MYO1C: variants seen among roughly 807,000 people sequenced by gnomAD.
MYO1C encodes myosin IC.
A neutral mutation model predicts 150.8 loss-of-function variants in MYO1C; 104 were observed. That is an observed-to-expected ratio of 0.69 (90% confidence interval 0.59 to 0.81). The LOEUF (loss-of-function observed/expected upper bound fraction) is 0.81, where lower values mean the gene tolerates loss of function less well. Ranked by LOEUF, MYO1C falls within the 30% of genes least tolerant of loss-of-function variation. The probability of loss-of-function intolerance (pLI) is 0.00; values close to 1 mark genes in which losing one functional copy is unlikely to be tolerated. For synonymous variants in MYO1C, 663 were observed against 579.9 expected (o/e 1.14, Z -2.06); for missense variants, 1,504 against 1,435.0 (o/e 1.05, Z -0.78).
intron 25 of MYO1C, chr17:1,469,121 G>C: frequency 3.0e-6 from 1 of 329,968 alleles, no homozygotes; most frequent in South Asian, 2.5e-5. Flanking sequence ...GTAGACTAGG[G>C]TAAATAGAGC....
chr17:1,490,035 CAAA>C (rs368349826), intron 1 of MYO1C, among the ~76,000 whole-genome samples: 4 of 104,528 alleles, frequency 3.8e-5, no homozygotes, highest in Admixed American at 2.1e-4. Context: ...GACACTGTCT[CAAA>C]AAAAAAAAAA....
rs1321233868 is a variant in MYO1C, at chr17:1,480,976, C to G, written c.628-91G>C. 4.2e-6 allele frequency: 6 copies of G among 1,441,476 alleles called. No homozygotes were observed. In the African/African-American group the frequency reaches 7.0e-5, roughly 17 times the overall value. The allele number at this position is 1,441,476 out of a possible 1,614,324, so 89.3% of individuals were successfully genotyped here. A position where few individuals can be genotyped will look rare whatever the true frequency, so the allele number is the denominator to read the frequency against. On this transcript the variant is annotated intron_variant, in intron 5 of 31. Coordinates refer to ENST00000648651, the MANE Select transcript of MYO1C (RefSeq NM_001080779.2). ...TCTCCCCTGCACTCCTGGGCTTTGG[C>G]AGCCAGACCTGGATGCCAATTCCAG...
Position 1,478,270 on chromosome 17 carries a change from C to G in MYO1C, c.1296-78G>C. Reference sequence around the variant, plus strand: ...AGAGGGGAAAAGCTGGACGACGCCCCTGAGCACAGGAGGTGAGAAACACAG... The same window carrying G: ...AGAGGGGAAAAGCTGGACGACGCCCGTGAGCACAGGAGGTGAGAAACACAG... On this transcript the variant is annotated intron_variant, in intron 11 of 31. Transcript: ENST00000648651. This position sits in a 1 kb window ranked among gnomAD's most constrained non-coding sequence, Gnocchi z 6.3. The G allele has an allele frequency of 6.4e-7, 1 of 1,563,664 alleles. No individual in the cohort carries two copies. Among genetic ancestry groups the G allele is most frequent in the Non-Finnish European group, 8.8e-7 (1 of 1,135,512 alleles).
rs957136448 is a variant in MYO1C, at chr17:1,465,205, G to A, written c.*521C>T. ...AGAGTGGGCTGCAAAAGATGCAGAT[G>A]GGCAGGCAGGGAGACAGGTAAACAG... is the stretch of plus-strand genomic sequence containing the variant. On this transcript the variant is annotated 3_prime_UTR_variant, in exon 32 of 32. Coordinates refer to ENST00000648651, the MANE Select transcript of MYO1C (RefSeq NM_001080779.2). 6.5e-6 allele frequency: 1 copy of A among 152,916 alleles called. No homozygotes were observed. Among genetic ancestry groups the A allele is most frequent in the Non-Finnish European group, 1.5e-5 (1 of 68,270 alleles). 9.5% of individuals were successfully genotyped at this position (152,916 alleles called of 1,614,324 possible).
At chr17:1,474,784 C>G (rs1386021687) in intron 16 of MYO1C, 28 bp downstream of exon 16, 5 of 1,606,048 alleles carry the variant, frequency 3.1e-6, no homozygotes, top group Admixed American at 3.3e-5. Context: ...TCCCCACCCC[C>G]ACCCCGGCCT....
At position 1,480,857 on chromosome 17, in the gene MYO1C, C is replaced by G. The variant is rs772269411; in HGVS notation, c.656G>C (p.Ser219Thr). ...CACTCGTGACTTTTCCAGGAGGTAA[C>G]TGAGGATGTGGCCACCCACGGGGGC... ...KGAPVGGHIL[S>T]YLLEKSRVVH... Residue 219 changes from serine (S) to threonine (T), a missense_variant, in exon 6 of 32, where the codon AGT (serine) becomes ACT (threonine). Transcript: ENST00000648651. The G allele has an allele frequency of 1.9e-6, 3 of 1,614,148 alleles. No homozygotes were observed. The highest frequency in any genetic ancestry group is 2.2e-5 in the South Asian group (2 of 91,086).
chr17:1,480,918 C>T (rs1482147748), intron 5 of MYO1C, 33 bp from the exon 6 acceptor site: 11 of 1,610,614 alleles, frequency 6.8e-6, no homozygotes, highest in Middle Eastern at 1.7e-4. Context: ...GGCCGGGTCA[C>T]GGGGACTGGG....
chr17:1,477,444 C>T (rs2074421897), intron 14 of MYO1C, 61 bp downstream of exon 14: 3 of 1,483,102 alleles, frequency 2.0e-6, no homozygotes, highest in Admixed American at 1.7e-5. Flanking sequence ...GGGACTCCTG[C>T]ACTCCGCAGG....
Position 1,480,564 on chromosome 17 carries a change from G to C in MYO1C, c.869C>G (p.Ala290Gly), listed in dbSNP as rs201395025. ...CTCGGTGAAATCAATGACTGTCAGA[G>C]CCTTCCTGACGACCTTCCAGTCACT... ...DKSDWKVVRK[A>G]LTVIDFTEDE... The change falls in exon 7 of 32, where the codon GCT becomes GGT. Residue 290 changes from alanine (A) to glycine (G), a missense_variant. Coordinates refer to ENST00000648651, the MANE Select transcript of MYO1C (RefSeq NM_001080779.2). 282 of 1,614,212 alleles carry C rather than the reference G, an allele frequency of 1.7e-4. No individual in the cohort carries two copies. Among genetic ancestry groups the C allele is most frequent in the Non-Finnish European group, 2.2e-4 (262 of 1,180,036 alleles).
chr17:1,471,039 CG>C (rs754334115), intron 21 of MYO1C, 31 bp downstream of exon 21: 1 of 1,606,230 alleles, frequency 6.2e-7, no homozygotes, highest in Admixed American at 1.7e-5. Flanking sequence ...GAAGGGACCC[CG>C]TGCAGCAGGA....
intron 17 of MYO1C, 50 bp downstream of exon 17, chr17:1,474,560 T>C: frequency 6.3e-7 from 1 of 1,587,108 alleles, no homozygotes; most frequent in Non-Finnish European, 8.6e-7. Context: ...CAGGCCCTCA[T>C]GCACACTCAG....
At position 1,479,639 on chromosome 17, in the gene MYO1C, TCTC is replaced by T; in HGVS notation, c.970_972del (p.Glu324del). The T allele has an allele frequency of 6.2e-7, 1 of 1,604,040 alleles. No homozygotes were observed. Among genetic ancestry groups the T allele is most frequent in the Non-Finnish European group, 8.5e-7 (1 of 1,176,300 alleles). On this transcript the variant is annotated inframe_deletion, in exon 8 of 32. Coordinates refer to ENST00000648651, the MANE Select transcript of MYO1C (RefSeq NM_001080779.2). This position sits in a 1 kb window ranked among gnomAD's most constrained non-coding sequence, Gnocchi z 4.2. ...TTCTCGGTGGTGACCTGGGCATTGC[TCTC>T]CTCGTTGGCAGCAAAGTGGATGTTG...
chr17:1,474,525 C>T (rs2074363225), intron 17 of MYO1C, 85 bp downstream of exon 17: 1 of 1,420,016 alleles, frequency 7.0e-7, no homozygotes, highest in Non-Finnish European at 9.9e-7. Flanking sequence ...CGTTCACACG[C>T]ACGCTGCCAG....
intron 13 of MYO1C, 70 bp from the exon 14 acceptor site, chr17:1,477,666 C>A: frequency 1.6e-6 from 2 of 1,282,418 alleles, no homozygotes; most frequent in South Asian, 1.2e-5. Context: ...TTGGGGTCAC[C>A]GTGCTGGGAG....
intron 1 of MYO1C, chr17:1,491,786 C>G (rs1364513399): frequency 2.3e-6 from 1 of 443,032 alleles, no homozygotes; most frequent in Non-Finnish European, 3.0e-6. Flanking sequence ...GCCGCGTCCG[C>G]GAAGCCTCGG....
chr17:1,492,627 C>A lies in MYO1C; in HGVS notation c.-140G>T. On this transcript the variant is annotated 5_prime_UTR_variant, in exon 1 of 32. Coordinates refer to ENST00000648651, the MANE Select transcript of MYO1C (RefSeq NM_001080779.2). ...TGGCCACTTGGTTCTGCTTCAACTG[C>A]AGCCCCAGGGGATGTGGCTGGTCCA... 1.3e-6 allele frequency: 1 copy of A among 773,676 alleles called. No individual in the cohort carries two copies. The highest frequency in any genetic ancestry group is 2.2e-6 in the Non-Finnish European group (1 of 455,428). The allele number at this position is 773,676 out of a possible 1,614,324, so 47.9% of individuals were successfully genotyped here.
chr17:1,485,453 C>T, intron 1 of MYO1C: 2 of 738,466 alleles, frequency 2.7e-6, no homozygotes, highest in Non-Finnish European at 3.5e-6. Flanking sequence ...CCCGCCCCCT[C>T]GCCCTCGGGT....
At chr17:1,486,756 T>A (rs1484049759) in intron 1 of MYO1C, 1 of 152,290 alleles carries the variant, frequency 6.6e-6, no homozygotes, top group Admixed American at 6.5e-5. Flanking sequence ...CCTCAGGTGA[T>A]CCACCCGCCT....
rs1284429636 is a variant in MYO1C at position 1,467,321 on chromosome 17, G to A, written c.3086C>T (p.Pro1029Leu). Reference sequence around the variant, plus strand: ...GAAGTCAATGGTGCCATCCCTGCCGGGGCCCCCTGCAAACGTGATGCTGGG... The same window carrying A: ...GAAGTCAATGGTGCCATCCCTGCCGAGGCCCCCTGCAAACGTGATGCTGGG... Reference protein sequence around the residue: ...NQGSITFAGGPGRDGTIDFTP... With the variant: ...NQGSITFAGGLGRDGTIDFTP... The change falls in exon 31 of 32, where the codon CCC becomes CTC. Residue 1029 changes from proline (P) to leucine (L), a missense_variant. By Grantham distance (98) the Pro-to-Leu change is moderately conservative (BLOSUM62 -3). Coordinates refer to ENST00000648651, the MANE Select transcript of MYO1C (RefSeq NM_001080779.2). 2 of 1,613,336 alleles carry A rather than the reference G, an allele frequency of 1.2e-6. No homozygotes were observed. The highest frequency in any genetic ancestry group is 1.7e-6 in the Non-Finnish European group (2 of 1,179,804).
Sources: allele counts gnomAD v4.1 joint callset (sites outside exome capture counted in the v4.1 genomes callset), GRCh38; gene constraint gnomAD v4.1.1; non-coding constraint Gnocchi (gnomAD v3.1); transcripts MANE v1.5; gene names NCBI Gene and HGNC (gene_info 2026-07-23, HGNC 2026-07-21).